Variants in CTNNA3 observed in about 807,000 individuals in gnomAD.
The protein encoded by CTNNA3 is catenin alpha-3.
In CTNNA3, 76 loss-of-function variants were observed where a neutral mutation model predicts 95.7. The ratio of observed to expected loss-of-function variants is 0.79; its 90% confidence interval spans 0.66 to 0.96. CTNNA3 has a LOEUF of 0.96. Ranked by LOEUF, CTNNA3 falls within the 40% of genes least tolerant of loss-of-function variation. CTNNA3 has a pLI of 0.00. For synonymous variants in CTNNA3, 431 were observed against 374.4 expected (o/e 1.15, Z -1.74); for missense variants, 1,191 against 1,089.8 (o/e 1.09, Z -1.31).
chr10:65,945,777 T>C (rs1013806015), intron 17 of CTNNA3, among the ~76,000 whole-genome samples: 3 of 152,138 alleles, frequency 2.0e-5, no homozygotes, highest in Non-Finnish European at 2.9e-5. Context: ...TTCATTGGTT[T>C]GAAGATTTAA....
At chr10:66,562,576 T>C (rs935654968) in intron 10 of CTNNA3, among the ~76,000 whole-genome samples, 2 of 152,124 alleles carry the variant, frequency 1.3e-5, no homozygotes, top group Non-Finnish European at 2.9e-5. Context: ...TATCCTCGAT[T>C]ACTCAATATT....
At chr10:66,732,477 G>A (rs559203456) in intron 9 of CTNNA3, among the ~76,000 whole-genome samples, 6 of 152,184 alleles carry the variant, frequency 3.9e-5, no homozygotes, top group Admixed American at 2.0e-4. Context: ...AGGTTTAATC[G>A]ACTCACAGTT....
chr10:67,358,623 C>A (rs1238130537), intron 5 of CTNNA3, among the ~76,000 whole-genome samples: 2 of 152,042 alleles, frequency 1.3e-5, no homozygotes, highest in African/African-American at 4.8e-5. Context: ...ATACCCTGCC[C>A]AGGTATCTTC....
intron 7 of CTNNA3, among the ~76,000 whole-genome samples, chr10:67,116,960 T>A (rs925954099): frequency 1.3e-5 from 2 of 151,684 alleles, no homozygotes; most frequent in Non-Finnish European, 2.9e-5. Flanking sequence ...CAAGACACTA[T>A]TAGAGATTTA....
At chr10:66,805,750 T>G (rs1841616104) in intron 7 of CTNNA3, among the ~76,000 whole-genome samples, 2 of 152,018 alleles carry the variant, frequency 1.3e-5, no homozygotes, top group Non-Finnish European at 2.9e-5. Flanking sequence ...CTTTAAATAG[T>G]CATCATCCTC....
intron 7 of CTNNA3, among the ~76,000 whole-genome samples, chr10:66,972,902 G>T (rs1219850811): frequency 2.0e-5 from 3 of 151,388 alleles, no homozygotes; most frequent in African/African-American, 7.3e-5. Flanking sequence ...AGTAGAGATG[G>T]GGTTTCACCA....
chr10:66,139,539 G>A (rs143277703), intron 13 of CTNNA3, among the ~76,000 whole-genome samples: 17 of 152,268 alleles, frequency 1.1e-4, no homozygotes, highest in African/African-American at 4.1e-4. Context: ...TGTGTGTTCA[G>A]AGGTTTCCCA....
intron 5 of CTNNA3, among the ~76,000 whole-genome samples, chr10:67,232,041 T>C (rs1337409615): frequency 6.6e-6 from 1 of 152,078 alleles, no homozygotes; most frequent in African/African-American, 2.4e-5. Context: ...CTGATTGGTG[T>C]ACCTGAAAGT....
chr10:67,301,785 G>A (rs1275713591), intron 5 of CTNNA3, among the ~76,000 whole-genome samples: 2 of 151,970 alleles, frequency 1.3e-5, no homozygotes, highest in Non-Finnish European at 2.9e-5. Context: ...TGGCTAACAC[G>A]GTGAAACCCC....
chr10:66,551,194 T>C lies in CTNNA3; in HGVS notation c.1375-30421A>G, dbSNP rs1842205077. On this transcript the variant is annotated intron_variant, in intron 10 of 17. Transcript: ENST00000433211. ...CTGGAAGGTAATAATTTTTCTCAAT[T>C]TTTATTTTACCTCCCTTCCTGAATG... Among the ~76,000 whole-genome samples the C allele has an allele frequency of 3.3e-5, 5 of 152,156 alleles. No homozygotes were observed. The South Asian group carries it at 1.0e-3, about 32-fold the overall frequency.
chr10:67,712,310 A>C (rs1261114614), intron 1 of CTNNA3, among the ~76,000 whole-genome samples: 1 of 152,218 alleles, frequency 6.6e-6, no homozygotes, highest in African/African-American at 2.4e-5. Flanking sequence ...CTGAGGAGAA[A>C]TCCAAGCTGG....
intron 17 of CTNNA3, among the ~76,000 whole-genome samples, chr10:65,947,475 G>T (rs2077535982): frequency 2.0e-5 from 3 of 152,106 alleles, no homozygotes; most frequent in Admixed American, 2.0e-4. Context: ...CCTGCTACAT[G>T]CTGGACACTA....
intron 5 of CTNNA3, among the ~76,000 whole-genome samples, chr10:67,221,893 T>C (rs1423224976): frequency 2.0e-5 from 3 of 152,214 alleles, no homozygotes; most frequent in Non-Finnish European, 4.4e-5. Flanking sequence ...TATAATATCA[T>C]GTAGCTTATA....
chr10:67,040,349 C>T (rs919719906), intron 7 of CTNNA3, among the ~76,000 whole-genome samples: 4 of 151,994 alleles, frequency 2.6e-5, no homozygotes, highest in African/African-American at 9.7e-5. Flanking sequence ...AGAGAACAAC[C>T]TCAGTAGTAA....
At chr10:66,354,377 G>T (rs2092592734) in intron 12 of CTNNA3, among the ~76,000 whole-genome samples, 2 of 151,114 alleles carry the variant, frequency 1.3e-5, no homozygotes, top group Non-Finnish European at 2.9e-5. Context: ...ACTGGCTCTT[G>T]AAACAACATC....
At position 67,169,346 on chromosome 10, in the gene CTNNA3, A is replaced by G. The variant is rs186002018; in HGVS notation, c.1047+10971T>C. ...TAGCCAAGGCAATCCTAAGCAAAAAAAAACAAAGCTGGAAGCATCACGTTA... is the reference window on the plus strand; with the variant it reads ...TAGCCAAGGCAATCCTAAGCAAAAAGAAACAAAGCTGGAAGCATCACGTTA... On this transcript the variant is annotated intron_variant, in intron 7 of 17. Coordinates refer to ENST00000433211, the MANE Select transcript of CTNNA3 (RefSeq NM_013266.4). Among the ~76,000 whole-genome samples, 30 of 152,298 alleles carry G rather than the reference A, an allele frequency of 2.0e-4. No individual in the cohort carries two copies. In the East Asian group the frequency reaches 4.1e-3, roughly 21 times the overall value.
At chr10:67,563,228 G>T (rs1387300746) in intron 3 of CTNNA3, among the ~76,000 whole-genome samples, 1 of 152,140 alleles carries the variant, frequency 6.6e-6, no homozygotes, top group Non-Finnish European at 1.5e-5. Context: ...CACACTACCT[G>T]ACTTCAAACT....
intron 6 of CTNNA3, among the ~76,000 whole-genome samples, chr10:67,204,594 G>A (rs970389825): frequency 6.6e-6 from 1 of 152,072 alleles, no homozygotes; most frequent in Non-Finnish European, 1.5e-5. Context: ...TAATAAGAAA[G>A]CTGAATTTAT....
At chr10:67,380,454 T>C (rs375568318) in intron 5 of CTNNA3, among the ~76,000 whole-genome samples, 1 of 152,170 alleles carries the variant, frequency 6.6e-6, no homozygotes, top group Non-Finnish European at 1.5e-5. Context: ...CTTTCATGGG[T>C]TGTGTATAAA....
Sources: gnomAD v4.1 joint callset for allele counts (sites outside exome capture counted in the v4.1 genomes callset) on GRCh38, gnomAD v4.1.1 for gene constraint, MANE v1.5 for transcripts, NCBI Gene and HGNC (gene_info 2026-07-23, HGNC 2026-07-21) for gene names.